Variants in LDHB observed in about 807,000 individuals in gnomAD.
The protein encoded by LDHB is lactate dehydrogenase B.
LDHB carries 18 observed loss-of-function variants against 33.4 expected under a neutral mutation model. The ratio of observed to expected loss-of-function variants is 0.54; its 90% confidence interval spans 0.37 to 0.80. LDHB has a LOEUF of 0.80. Among genes scored for constraint, LDHB ranks in the 30% least tolerant of loss-of-function variants. The pLI is 0.00. For synonymous variants in LDHB, 121 were observed against 140.6 expected (o/e 0.86, Z 0.98); for missense variants, 345 against 407.9 (o/e 0.85, Z 1.33).
At chr12:21,637,472 T>C (rs980266201) in intron 6 of LDHB, 1 of 292,028 alleles carries the variant, frequency 3.4e-6, no homozygotes, top group Non-Finnish European at 6.4e-6. Context: ...AAATATACAT[T>C]TTCCAATCAT....
intron 2 of LDHB, among the ~76,000 whole-genome samples, chr12:21,650,939 GGGAA>G (rs577983892): frequency 1.3e-5 from 2 of 152,192 alleles, no homozygotes; most frequent in Non-Finnish European, 2.9e-5. Context: ...TGAAGCTACT[GGGAA>G]GGAAGTTTAT....
At chr12:21,641,611 A>C (rs1431160190) in intron 5 of LDHB, among the ~76,000 whole-genome samples, 1 of 152,174 alleles carries the variant, frequency 6.6e-6, no homozygotes, top group African/African-American at 2.4e-5. Context: ...GGATTAGATA[A>C]TATTGTTTCA....
intron 7 of LDHB, among the ~76,000 whole-genome samples, chr12:21,636,841 C>A (rs1353898786): frequency 6.6e-6 from 1 of 151,982 alleles, no homozygotes; most frequent in Non-Finnish European, 1.5e-5. Flanking sequence ...ATTTAATTTG[C>A]AAAATTATAT....
chr12:21,636,976 A>G lies in LDHB; in HGVS notation c.837+95T>C, dbSNP rs1488371079. The G allele has an allele frequency of 2.8e-5, 30 of 1,060,280 alleles. No individual in the cohort carries two copies. In the Admixed American group the frequency reaches 5.1e-4, roughly 18 times the overall value. The allele number at this position is 1,060,280 out of a possible 1,614,324, so 65.7% of individuals were successfully genotyped here. On this transcript the variant is annotated intron_variant, in intron 7 of 7. Transcript: ENST00000350669. ...CTTTGAGAGACAGAAATAACCTTGA[A>G]CTATGATTTTATCTGGTCTGAGCCT...
intron 3 of LDHB, among the ~76,000 whole-genome samples, chr12:21,645,946 T>C (rs1938516257): frequency 6.6e-6 from 1 of 152,200 alleles, no homozygotes; most frequent in South Asian, 2.1e-4. Flanking sequence ...ACCAATACTT[T>C]TGGGGTCTAA....
At chr12:21,641,040 A>G (rs1650293) in intron 5 of LDHB, among the ~76,000 whole-genome samples, 143,869 of 152,210 alleles carry the variant, frequency 0.95, 68,498 homozygotes, top group East Asian at 1. Flanking sequence ...TTAGTAGATC[A>G]TGTTTGACAA....
chr12:21,647,033 A>T lies in LDHB; in HGVS notation c.130-17T>A. On this transcript the variant is annotated splice_polypyrimidine_tract_variant and intron_variant, in intron 2 of 7. Coordinates refer to ENST00000350669, the MANE Select transcript of LDHB (RefSeq NM_002300.8). ...AGCCAGAGACTGTAAACGCAAAAAC[A>T]GGCATTAGAACCCTAAGCCACTCTA... 6.5e-7 allele frequency: 1 copy of T among 1,527,276 alleles called. No homozygotes were observed. The highest frequency in any genetic ancestry group is 9.1e-7 in the Non-Finnish European group (1 of 1,101,434). 94.6% of individuals were successfully genotyped at this position (1,527,276 alleles called of 1,614,324 possible).
intron 4 of LDHB, 25 bp downstream of exon 4, chr12:21,643,910 A>G (rs375485830): frequency 3.2e-6 from 5 of 1,541,688 alleles, no homozygotes; most frequent in Non-Finnish European, 4.5e-6. Flanking sequence ...TTAACAGAAC[A>G]GAGACTTAAA....
At chr12:21,654,706 G>A (rs1650315) in intron 1 of LDHB, 29 bp from the exon 2 acceptor site, 1,558,025 of 1,576,588 alleles carry the variant, frequency 0.99, 771,168 homozygotes, top group East Asian at 1. Context: ...AACATTACAC[G>A]TATATCTGCA....
chr12:21,651,654 G>A (rs1277465186), intron 2 of LDHB, among the ~76,000 whole-genome samples: 1 of 152,154 alleles, frequency 6.6e-6, no homozygotes, highest in African/African-American at 2.4e-5. Flanking sequence ...CCTCTGACAT[G>A]TTACAGAAAG....
chr12:21,647,935 G>A (rs931348250), intron 2 of LDHB, among the ~76,000 whole-genome samples: 2 of 151,958 alleles, frequency 1.3e-5, no homozygotes, highest in Non-Finnish European at 2.9e-5. Context: ...GACCTCAGTT[G>A]ATCCACCCGC....
rs763395553 is a variant in LDHB, at chr12:21,635,571, C to G, written c.976G>C (p.Asp326His). The G allele has an allele frequency of 6.2e-6, 10 of 1,612,420 alleles. No homozygotes were observed. Among genetic ancestry groups the G allele is most frequent in the Non-Finnish European group, 7.6e-6 (9 of 1,179,896 alleles). ...AGGTCTTTTAGGTCCTTCTGGATGT[C>G]CCACAGGGTATCTGCACTTTTCTTG... ...QLKKSADTLW[D>H]IQKDLKDL Residue 326 changes from aspartate to histidine, a missense_variant, in exon 8 of 8, where the codon GAC (aspartate) becomes CAC (histidine). Coordinates refer to ENST00000350669, the MANE Select transcript of LDHB (RefSeq NM_002300.8).
chr12:21,639,083 T>A (rs1938292460), intron 5 of LDHB, among the ~76,000 whole-genome samples: 1 of 151,902 alleles, frequency 6.6e-6, no homozygotes, highest in Non-Finnish European at 1.5e-5. Flanking sequence ...AGCAAAAGTG[T>A]GGGGTAGAAT....
Position 21,654,525 on chromosome 12 carries a change from G to A in LDHB, c.129+18C>T. ...CATGCTGAACTTCTCTATCATCTAT[G>A]GTGTTCTTGAAATGTACCTTTCCCA... On this transcript the variant is annotated intron_variant, in intron 2 of 7. Coordinates refer to ENST00000350669, the MANE Select transcript of LDHB (RefSeq NM_002300.8). 6.2e-7 allele frequency: 1 copy of A among 1,612,652 alleles called. No homozygotes were observed.
intron 4 of LDHB, chr12:21,643,716 G>A (rs1938434174): frequency 1.9e-6 from 1 of 536,470 alleles, no homozygotes; most frequent in African/African-American, 1.9e-5. Flanking sequence ...GCAAAAACAT[G>A]AAATTGCTTT....
chr12:21,639,278 T>G (rs368042971), intron 5 of LDHB, among the ~76,000 whole-genome samples: 145 of 152,004 alleles, frequency 9.5e-4, no homozygotes, highest in South Asian at 6.6e-3. Flanking sequence ...ACGTACACAA[T>G]ATAGATCAAC....
intron 2 of LDHB, among the ~76,000 whole-genome samples, chr12:21,654,158 T>C (rs1176417928): frequency 1.3e-5 from 2 of 152,100 alleles, no homozygotes; most frequent in Admixed American, 6.5e-5. Context: ...CAAAGAAAGG[T>C]TGAGTAACAG....
At chr12:21,656,311 C>T (rs1243181404) in intron 1 of LDHB, among the ~76,000 whole-genome samples, 1 of 152,066 alleles carries the variant, frequency 6.6e-6, no homozygotes, top group African/African-American at 2.4e-5. Context: ...TTACAGTTTC[C>T]TAGTGGACGT....
chr12:21,656,710 G>C (rs1052969580), intron 1 of LDHB, among the ~76,000 whole-genome samples: 1 of 152,178 alleles, frequency 6.6e-6, no homozygotes, highest in Non-Finnish European at 1.5e-5. Flanking sequence ...CTTAAAAAGA[G>C]TTTTAAGAAA....
Sources: gnomAD v4.1 joint callset for allele counts (sites outside exome capture counted in the v4.1 genomes callset) on GRCh38, gnomAD v4.1.1 for gene constraint, MANE v1.5 for transcripts, NCBI Gene and HGNC (gene_info 2026-07-23, HGNC 2026-07-21) for gene names.